The following GSDMC variants were observed in gnomAD, a reference collection of about 807,000 sequenced individuals.
GSDMC encodes gasdermin-C.
Under a neutral mutation model 58.0 loss-of-function variants are expected in GSDMC, and 59 were observed. That is an observed-to-expected ratio of 1.02 (90% CI 0.82 to 1.26). The LOEUF is 1.26. Ranked by LOEUF, GSDMC falls within the 50% of genes most tolerant of loss-of-function variation. GSDMC has a pLI of 0.00. For missense variants in GSDMC, 659 were observed against 598.5 expected, an observed-to-expected ratio of 1.10 and a Z score of -1.06; for synonymous variants, 241 against 220.2, an observed-to-expected ratio of 1.09 and a Z score of -0.83.
At chr8:129,765,235 T>A (rs933062633) in intron 4 of GSDMC, among the ~76,000 whole-genome samples, 3 of 152,210 alleles carry the variant, frequency 2.0e-5, no homozygotes, top group Non-Finnish European at 4.4e-5. Flanking sequence ...ACCTTAGAGT[T>A]TAAAGTACTT....
chr8:129,711,786 C>A, the GSDMC span, among the ~76,000 whole-genome samples: 1 of 152,198 alleles, frequency 6.6e-6, no homozygotes, highest in African/African-American at 2.4e-5. Flanking sequence ...AGTCCTCATA[C>A]TACCATTTGA....
chr8:129,715,955 A>G, the GSDMC span, among the ~76,000 whole-genome samples: 1 of 152,216 alleles, frequency 6.6e-6, no homozygotes, highest in Non-Finnish European at 1.5e-5. Context: ...TTTATACTGT[A>G]CATGAAGTAG....
chr8:129,741,939 C>T, the GSDMC span, among the ~76,000 whole-genome samples: 37,977 of 124,796 alleles, frequency 0.3, 8,504 homozygotes, highest in African/African-American at 0.64. Context: ...TATATATATA[C>T]ATGAAATAAT....
the GSDMC span, among the ~76,000 whole-genome samples, chr8:129,711,383 T>C: frequency 6.6e-6 from 1 of 152,224 alleles, no homozygotes; most frequent in Non-Finnish European, 1.5e-5. Context: ...TTTGTTGATT[T>C]ACCAAAAATC....
chr8:129,779,460 G>T (rs941470202), intron 1 of GSDMC, among the ~76,000 whole-genome samples: 1 of 152,136 alleles, frequency 6.6e-6, no homozygotes, highest in Non-Finnish European at 1.5e-5. Flanking sequence ...GGAAGGTAGA[G>T]CATGGAGGGT....
At chr8:129,710,894 G>GC in the GSDMC span, among the ~76,000 whole-genome samples, 1 of 152,078 alleles carries the variant, frequency 6.6e-6, no homozygotes, top group Non-Finnish European at 1.5e-5. Flanking sequence ...CAAGTTTGAG[G>GC]CCCCCTAGAG....
intron 1 of GSDMC, among the ~76,000 whole-genome samples, chr8:129,785,364 T>C (rs532890383): frequency 1.5e-5 from 2 of 137,312 alleles, no homozygotes. Flanking sequence ...GGAGATAGAG[T>C]AAAATGATGG....
At chr8:129,749,549 A>G (rs750297564) in intron 12 of GSDMC, 24 bp from the exon 13 acceptor site, 1 of 1,587,530 alleles carries the variant, frequency 6.3e-7, no homozygotes, top group Non-Finnish European at 8.7e-7. Flanking sequence ...ACATGTGGGG[A>G]AAGACAGTAG....
chr8:129,777,832 G>T (rs967974), intron 1 of GSDMC, among the ~76,000 whole-genome samples: 18 of 151,868 alleles, frequency 1.2e-4, no homozygotes, highest in African/African-American at 4.4e-4. Context: ...GTGATTCTCC[G>T]CCTCAGCCTA....
chr8:129,746,737 C>T (rs1413119805), downstream of GSDMC, among the ~76,000 whole-genome samples: 1 of 152,114 alleles, frequency 6.6e-6, no homozygotes, highest in Non-Finnish European at 1.5e-5. Context: ...ATCAATAAGT[C>T]AACGGGAGAC....
At chr8:129,751,765 CG>C in intron 9 of GSDMC, 96 bp downstream of exon 9, 1 of 1,293,314 alleles carries the variant, frequency 7.7e-7, no homozygotes, top group South Asian at 1.2e-5. Context: ...GGCCCTAGGG[CG>C]GTGGTGGCAA....
At chr8:129,775,880 T>C (rs2034206707) in intron 3 of GSDMC, among the ~76,000 whole-genome samples, 1 of 152,184 alleles carries the variant, frequency 6.6e-6, no homozygotes, top group Non-Finnish European at 1.5e-5. Context: ...TATAACAACA[T>C]AGTAGTGGGT....
At chr8:129,766,868 C>T (rs2033878769) in intron 3 of GSDMC, among the ~76,000 whole-genome samples, 1 of 152,200 alleles carries the variant, frequency 6.6e-6, no homozygotes, top group African/African-American at 2.4e-5. Flanking sequence ...CCAGCTCTGT[C>T]CCATGTCACA....
At chr8:129,706,885 T>G in the GSDMC span, among the ~76,000 whole-genome samples, 4 of 152,262 alleles carry the variant, frequency 2.6e-5, no homozygotes, top group South Asian at 4.1e-4. Context: ...AGGGCACTTG[T>G]GTGCATTACA....
At chr8:129,716,537 T>C in the GSDMC span, among the ~76,000 whole-genome samples, 1 of 152,236 alleles carries the variant, frequency 6.6e-6, no homozygotes, top group Non-Finnish European at 1.5e-5. Context: ...TGGGGTTTTC[T>C]AAATATACAA....
chr8:129,713,171 C>A, the GSDMC span, among the ~76,000 whole-genome samples: 1 of 152,324 alleles, frequency 6.6e-6, no homozygotes, highest in Non-Finnish European at 1.5e-5. Flanking sequence ...CACTTTTGTT[C>A]CAAATGTGGA....
chr8:129,734,835 G>A, the GSDMC span, among the ~76,000 whole-genome samples: 2 of 152,114 alleles, frequency 1.3e-5, no homozygotes, highest in African/African-American at 2.4e-5. Flanking sequence ...ATGTAAATGG[G>A]CTAAATGTTC....
intron 4 of GSDMC, among the ~76,000 whole-genome samples, chr8:129,765,424 A>G (rs2033819639): frequency 6.6e-6 from 1 of 152,230 alleles, no homozygotes; most frequent in South Asian, 2.1e-4. Flanking sequence ...GACCCCGTAT[A>G]GTAAAACACT....
the GSDMC span, among the ~76,000 whole-genome samples, chr8:129,719,405 A>G: frequency 2.0e-5 from 3 of 152,258 alleles, no homozygotes; most frequent in Non-Finnish European, 4.4e-5. Flanking sequence ...AAAGAGACGT[A>G]GAAAAATTTA....
Sources: allele counts gnomAD v4.1 joint callset (sites outside exome capture counted in the v4.1 genomes callset), GRCh38; gene constraint gnomAD v4.1.1; transcripts MANE v1.5; gene names NCBI Gene and HGNC (gene_info 2026-07-23, HGNC 2026-07-21).